The following BCL7C variants were observed in gnomAD, a reference collection of about 807,000 sequenced individuals.
The protein encoded by BCL7C is BAF chromatin remodeling complex subunit BCL7C.
BCL7C carries 8 observed loss-of-function variants against 26.2 expected under a neutral mutation model. The observed-to-expected ratio is 0.30, with a 90% CI of 0.18 to 0.55. BCL7C has a LOEUF of 0.55. Ranked by LOEUF, BCL7C falls within the 20% of genes least tolerant of loss-of-function variation. BCL7C has a pLI of 0.93. For synonymous variants in BCL7C, 90 were observed against 116.5 expected (o/e 0.77, Z 1.47); for missense variants, 262 against 298.5 (o/e 0.88, Z 0.90).
In BCL7C at chr16:30,888,095, G is replaced by C. The variant is rs911815302; in HGVS notation, c.529-105C>G. 5 of 1,247,990 alleles carry C rather than the reference G, an allele frequency of 4.0e-6. No homozygotes were observed. The South Asian group carries it at 7.4e-5, about 19-fold the overall frequency. 77.3% of individuals were successfully genotyped at this position (1,247,990 alleles called of 1,614,324 possible). On this transcript the variant is annotated intron_variant, in intron 5 of 5. Coordinates refer to ENST00000215115, the MANE Select transcript of BCL7C (RefSeq NM_004765.4). Reference sequence around the variant, plus strand: ...TCCACTCCCCTCCCCTCCTGGGCCCGGGAGGCAAGCCCAGGGCCAGATGCC... The same window carrying C: ...TCCACTCCCCTCCCCTCCTGGGCCCCGGAGGCAAGCCCAGGGCCAGATGCC...
rs1266108070 is a variant in BCL7C at position 30,893,755 on chromosome 16, C to G, written c.92+98G>C. ...GGCAAAGCTAGTGGGTGGAGATACA[C>G]CGAACACCCGGGGCCCAGAGCTGGC... On this transcript the variant is annotated intron_variant, in intron 1 of 5. Transcript: ENST00000215115. This position sits in a 1 kb window ranked among gnomAD's most constrained non-coding sequence, Gnocchi z 5.2. 2 of 1,089,228 alleles carry G rather than the reference C, an allele frequency of 1.8e-6. No individual in the cohort carries two copies. The highest frequency in any genetic ancestry group is 2.5e-5 in the East Asian group (1 of 39,562). 67.5% of individuals were successfully genotyped at this position (1,089,228 alleles called of 1,614,324 possible).
chr16:30,878,785 G>A (rs1399303505), intron 5 of BCL7C, among the ~76,000 whole-genome samples: 1 of 148,370 alleles, frequency 6.7e-6, no homozygotes, highest in Non-Finnish European at 1.5e-5. Flanking sequence ...AGAGGTTGCA[G>A]TGAGCTGAGA....
intron 5 of BCL7C, among the ~76,000 whole-genome samples, chr16:30,846,230 T>TTATG (rs2054634512): frequency 6.7e-6 from 1 of 149,466 alleles, no homozygotes; most frequent in African/African-American, 2.5e-5. Context: ...ATTTATTTAT[T>TTATG]TATTTATTTT....
chr16:30,850,368 CT>C (rs2054666117), intron 5 of BCL7C, among the ~76,000 whole-genome samples: 1 of 152,088 alleles, frequency 6.6e-6, no homozygotes, highest in Admixed American at 6.6e-5. Context: ...AACTATTTAT[CT>C]TTGAGTATAA....
chr16:30,888,626 C>T (rs559110225), intron 5 of BCL7C: 23 of 366,348 alleles, frequency 6.3e-5, no homozygotes, highest in Admixed American at 1.3e-4. Context: ...TGAGCCACCA[C>T]GCCCAGCTTT....
chr16:30,876,463 G>T (rs1248280041), intron 5 of BCL7C, among the ~76,000 whole-genome samples: 21 of 152,340 alleles, frequency 1.4e-4, no homozygotes, highest in Admixed American at 1.3e-3. Flanking sequence ...TAGAGAAAGG[G>T]AGATGTGCTT....
intron 5 of BCL7C, among the ~76,000 whole-genome samples, chr16:30,835,460 CA>C (rs1462477320): frequency 6.6e-6 from 1 of 152,174 alleles, no homozygotes; most frequent in Non-Finnish European, 1.5e-5. Flanking sequence ...AACCTAAAGG[CA>C]GCCTCAAATG....
At position 30,844,032 on chromosome 16, in the gene BCL7C, ACT is replaced by A. The variant is rs1237291057; in HGVS notation, c.529-8886_529-8885del. ...ACTCCAGCTTTGGCGACAAAGCGAG[ACT>A]CTGCCTCAAAAAAAAAAAAAAAAAA... is the stretch of plus-strand genomic sequence containing the variant. On this transcript the variant is annotated intron_variant, in intron 5 of 5. Transcript: ENST00000380317. Among the ~76,000 whole-genome samples, 6 of 121,518 alleles carry A rather than the reference ACT, an allele frequency of 4.9e-5. No individual in the cohort carries two copies. The Admixed American group carries it at 6.1e-4, about 12-fold the overall frequency. The allele number at this position is 121,518 out of a possible 152,430, so 79.7% of individuals were successfully genotyped here.
chr16:30,875,287 A>G, intron 5 of BCL7C: 1 of 154,488 alleles, frequency 6.5e-6, no homozygotes, highest in Non-Finnish European at 1.5e-5. Context: ...TGCAGGCCGC[A>G]GACGGAGACA....
chr16:30,872,644 G>C (rs8063565), intron 5 of BCL7C, among the ~76,000 whole-genome samples: 114,228 of 152,036 alleles, frequency 0.75, 43,487 homozygotes, highest in East Asian at 0.91. Flanking sequence ...AACAACTCAG[G>C]CAGCCTGGTG....
intron 5 of BCL7C, among the ~76,000 whole-genome samples, chr16:30,863,471 T>C (rs1242313303): frequency 6.6e-6 from 1 of 152,188 alleles, no homozygotes; most frequent in Non-Finnish European, 1.5e-5. Flanking sequence ...CTGTCTTTAA[T>C]AAAAACTCTT....
chr16:30,891,469 AAAGAG>A (rs1335571621), intron 4 of BCL7C, among the ~76,000 whole-genome samples: 1 of 152,198 alleles, frequency 6.6e-6, no homozygotes, highest in African/African-American at 2.4e-5. Context: ...AAGAAAAGAA[AAAGAG>A]AAAAGAAAAA....
At chr16:30,871,752 T>C (rs2054884373) in intron 5 of BCL7C, among the ~76,000 whole-genome samples, 1 of 152,152 alleles carries the variant, frequency 6.6e-6, no homozygotes, top group Non-Finnish European at 1.5e-5. Context: ...CCCAAAGTGC[T>C]GGGATTACAG....
At chr16:30,854,417 C>A (rs1164403759) in intron 5 of BCL7C, among the ~76,000 whole-genome samples, 1 of 152,138 alleles carries the variant, frequency 6.6e-6, no homozygotes, top group Non-Finnish European at 1.5e-5. Flanking sequence ...TGCTTCAAGG[C>A]CCTGTGGTTC....
chr16:30,869,705 G>A (rs111716108), intron 5 of BCL7C, among the ~76,000 whole-genome samples: 405 of 151,732 alleles, frequency 2.7e-3, no homozygotes, highest in African/African-American at 9.6e-3. Flanking sequence ...TAGAGATGGG[G>A]TCTCGCTATG....
chr16:30,880,918 T>C (rs973651184), intron 5 of BCL7C, among the ~76,000 whole-genome samples: 1 of 152,046 alleles, frequency 6.6e-6, no homozygotes, highest in Non-Finnish European at 1.5e-5. Context: ...CCCAGGATAG[T>C]CTTAAACTTC....
In BCL7C at chr16:30,893,914, G is replaced by T; in HGVS notation, c.31C>A (p.Arg11=). 1 of 1,599,510 alleles carries T rather than the reference G, an allele frequency of 6.3e-7. No individual in the cohort carries two copies. Among genetic ancestry groups the T allele is most frequent in the Non-Finnish European group, 8.5e-7 (1 of 1,178,384 alleles). MAGRTVRAET[R]SRAKDDIKKV... is the part of the protein sequence containing the mutation. ...TTGATGTCATCCTTGGCCCGGCTCCGGGTCTCGGCCCGTACAGTCCGGCCG... is the reference window on the plus strand; with the variant it reads ...TTGATGTCATCCTTGGCCCGGCTCCTGGTCTCGGCCCGTACAGTCCGGCCG... The change falls in exon 1 of 6, where the codon CGG becomes AGG. Residue 11 remains arginine, a synonymous_variant. Transcript: ENST00000215115. The surrounding 1 kb of genome is among the most constrained non-coding windows in gnomAD (Gnocchi z 5.2).
intron 5 of BCL7C, among the ~76,000 whole-genome samples, chr16:30,870,771 C>T (rs575643690): frequency 6.6e-6 from 1 of 152,258 alleles, no homozygotes; most frequent in East Asian, 1.9e-4. Context: ...GGTACCACAG[C>T]CAAGCATCAC....
At chr16:30,840,461 A>G (rs892053147) in intron 5 of BCL7C, among the ~76,000 whole-genome samples, 1 of 151,790 alleles carries the variant, frequency 6.6e-6, no homozygotes, top group South Asian at 2.1e-4. Flanking sequence ...CAAGTGATCC[A>G]CCTGCCACAG....
Sources: allele counts gnomAD v4.1 joint callset (sites outside exome capture counted in the v4.1 genomes callset), GRCh38; gene constraint gnomAD v4.1.1; non-coding constraint Gnocchi (gnomAD v3.1); transcripts MANE v1.5; gene names NCBI Gene and HGNC (gene_info 2026-07-23, HGNC 2026-07-21).